Variants in KCNMA1 observed in about 807,000 individuals in gnomAD.
The protein encoded by KCNMA1 is potassium calcium-activated channel subfamily M alpha 1, also known as Calcium-activated potassium channel subunit alpha-1.
KCNMA1 carries 29 observed loss-of-function variants against 140.0 expected under a neutral mutation model. The ratio of observed to expected loss-of-function variants is 0.21; its 90% CI spans 0.15 to 0.28. KCNMA1 has a LOEUF of 0.28. Among genes scored for constraint, KCNMA1 ranks in the 10% least tolerant of loss-of-function variants. The pLI, the probability that KCNMA1 is intolerant of heterozygous loss-of-function variation, is 1.00. For missense variants in KCNMA1, 880 were observed against 1,602.2 expected (o/e 0.55, Z 7.70); for synonymous variants, 612 against 611.9 (o/e 1.00, Z 0.00).
rs116546993 is a variant in KCNMA1 at position 77,073,086 on chromosome 10, C to T, written c.1749+11G>A. On this transcript the variant is annotated intron_variant, in intron 14 of 27. Transcript: ENST00000286628. ...CCCGAGCTAATGTGCTCTAATAAGA[C>T]GAGACGTTACCTTTATGAATGACCT... The T allele has an allele frequency of 1.3e-3, 2,119 of 1,613,524 alleles. 18 individuals carry two copies. The African/African-American group carries it at 0.023, about 17-fold the overall frequency.
intron 5 of KCNMA1, among the ~76,000 whole-genome samples, chr10:77,129,922 T>C (rs2097822476): frequency 6.6e-6 from 1 of 152,100 alleles, no homozygotes. Flanking sequence ...AGGATAACAA[T>C]TGAGATATAC....
At chr10:77,085,482 A>G (rs3781168) in intron 11 of KCNMA1, among the ~76,000 whole-genome samples, 9,056 of 152,268 alleles carry the variant, frequency 0.059, 378 homozygotes, top group Non-Finnish European at 0.091. Context: ...AAGATTTTAC[A>G]TAAGCAATAA....
chr10:76,971,854 A>G (rs1439408695), intron 19 of KCNMA1, among the ~76,000 whole-genome samples: 1 of 152,234 alleles, frequency 6.6e-6, no homozygotes, highest in Non-Finnish European at 1.5e-5. Flanking sequence ...TAGAGTTGAT[A>G]TGCATCTCTC....
chr10:76,914,954 G>A lies in KCNMA1; in HGVS notation c.2998C>T (p.Pro1000Ser). The A allele has an allele frequency of 6.2e-7, 1 of 1,612,386 alleles. No homozygotes were observed. The highest frequency in any genetic ancestry group is 8.5e-7 in the Non-Finnish European group (1 of 1,178,584). ...CCCCTACCTAGTTCAGTGATGATGG[G>A]GATGTTGACCCCAGTTGTGATGGAT... Reference protein sequence around the residue: ...QPSITTGVNIPIITELVNDTN... With the variant: ...QPSITTGVNISIITELVNDTN... Residue 1000 changes from proline to serine, a missense_variant, in exon 24 of 28, where the codon CCC becomes TCC. Physicochemically the swap from Pro to Ser is moderately conservative, Grantham distance 74. Around this residue, in one of 13 missense-constraint regions of KCNMA1, gnomAD observed 44 missense variants for 58.2 expected, o/e 0.76. Coordinates refer to ENST00000286628, the MANE Select transcript of KCNMA1 (RefSeq NM_001161352.2).
chr10:77,484,532 C>T (rs923252149), intron 1 of KCNMA1, among the ~76,000 whole-genome samples: 1 of 152,218 alleles, frequency 6.6e-6, no homozygotes, highest in African/African-American at 2.4e-5. Context: ...GAGGTGTTAT[C>T]ACTCTCATTT....
At chr10:77,102,925 T>A (rs1327924248) in intron 9 of KCNMA1, among the ~76,000 whole-genome samples, 1 of 152,174 alleles carries the variant, frequency 6.6e-6, no homozygotes, top group African/African-American at 2.4e-5. Context: ...CGAGGGTAGT[T>A]TGTTCGCCAA....
At position 77,259,441 on chromosome 10, in the gene KCNMA1, G is replaced by A. The variant is rs536818537; in HGVS notation, c.541-8185C>T. Reference sequence around the variant, plus strand: ...AATTCTTAGGACACACATGTAAATCGGAGAGAATCCCTCCTTAAATCACCT... The same window carrying A: ...AATTCTTAGGACACACATGTAAATCAGAGAGAATCCCTCCTTAAATCACCT... On this transcript the variant is annotated intron_variant, in intron 2 of 27. Coordinates refer to ENST00000286628, the MANE Select transcript of KCNMA1 (RefSeq NM_001161352.2). 2.6e-4 allele frequency among the ~76,000 whole-genome samples: 40 copies of A among 152,094 alleles called. 1 individual carries two copies. The highest frequency in any genetic ancestry group is 1.6e-3 in the Admixed American group (25 of 15,266).
intron 1 of KCNMA1, among the ~76,000 whole-genome samples, chr10:77,410,602 A>G (rs1286812834): frequency 1.3e-5 from 2 of 152,240 alleles, no homozygotes; most frequent in South Asian, 2.1e-4. Context: ...TGTTGTACCC[A>G]ACACCCTCCT....
intron 2 of KCNMA1, among the ~76,000 whole-genome samples, chr10:77,327,518 T>G (rs952553503): frequency 1.3e-5 from 2 of 152,056 alleles, no homozygotes; most frequent in Non-Finnish European, 2.9e-5. Context: ...CACATCCTGC[T>G]AATGTTTTAT....
At chr10:77,436,226 C>A (rs998981961) in intron 1 of KCNMA1, among the ~76,000 whole-genome samples, 4 of 152,232 alleles carry the variant, frequency 2.6e-5, no homozygotes, top group Admixed American at 2.6e-4. Flanking sequence ...CCAGGCCCTG[C>A]TCTCAAGCAA....
chr10:77,374,714 C>A (rs2094958558), intron 2 of KCNMA1, among the ~76,000 whole-genome samples: 1 of 152,164 alleles, frequency 6.6e-6, no homozygotes, highest in South Asian at 2.1e-4. Flanking sequence ...CCTTCTCTTG[C>A]AGTTTCTTTA....
rs548047097 is a variant in KCNMA1 at position 77,427,909 on chromosome 10, C to T, written c.379-23886G>A. On this transcript the variant is annotated intron_variant, in intron 1 of 27. Coordinates refer to ENST00000286628, the MANE Select transcript of KCNMA1 (RefSeq NM_001161352.2). ...CTGGGACTACAGGTGCATGCCACCACGCCTGGCTAATTTTTGTATTTTTAG... is the reference window on the plus strand; with the variant it reads ...CTGGGACTACAGGTGCATGCCACCATGCCTGGCTAATTTTTGTATTTTTAG... 1.7e-3 allele frequency among the ~76,000 whole-genome samples: 255 copies of T among 152,016 alleles called. No homozygotes were observed. In the Middle Eastern group the frequency reaches 0.02, roughly 12 times the overall value.
At chr10:77,225,031 G>T (rs920648721) in intron 3 of KCNMA1, among the ~76,000 whole-genome samples, 1 of 152,164 alleles carries the variant, frequency 6.6e-6, no homozygotes, top group Admixed American at 6.5e-5. Flanking sequence ...ACAGAGCATG[G>T]TGCAGAAAAG....
chr10:77,470,822 T>C (rs2098132564), intron 1 of KCNMA1, among the ~76,000 whole-genome samples: 1 of 152,170 alleles, frequency 6.6e-6, no homozygotes, highest in Non-Finnish European at 1.5e-5. Flanking sequence ...TTCTAGGCAT[T>C]TGTTTTGTCC....
chr10:77,290,037 A>G (rs1435511540), intron 2 of KCNMA1, among the ~76,000 whole-genome samples: 1 of 152,222 alleles, frequency 6.6e-6, no homozygotes, highest in African/African-American at 2.4e-5. Context: ...TAGAGATGGA[A>G]GGAGGCGGTT....
intron 18 of KCNMA1, among the ~76,000 whole-genome samples, chr10:77,010,663 A>G (rs1389032275): frequency 2.6e-5 from 4 of 152,012 alleles, no homozygotes; most frequent in Admixed American, 2.0e-4. Flanking sequence ...AATTTTCCCC[A>G]TGGGTTGAGG....
chr10:77,055,354 T>C (rs904384387), intron 14 of KCNMA1, among the ~76,000 whole-genome samples: 6 of 152,132 alleles, frequency 3.9e-5, no homozygotes, highest in African/African-American at 1.4e-4. Context: ...GAAGGGATCA[T>C]CAAGATGTGG....
At chr10:77,021,899 A>C (rs1472709689) in intron 16 of KCNMA1, among the ~76,000 whole-genome samples, 1 of 152,246 alleles carries the variant, frequency 6.6e-6, no homozygotes, top group East Asian at 1.9e-4. Flanking sequence ...CTTGGCGCTG[A>C]AGCACCAGAA....
intron 1 of KCNMA1, among the ~76,000 whole-genome samples, chr10:77,546,610 G>A (rs531208642): frequency 9.2e-5 from 14 of 152,290 alleles, no homozygotes; most frequent in South Asian, 8.3e-4. Flanking sequence ...TCCCTTCCCC[G>A]GTGCTGCATG....
Sources: gnomAD v4.1 joint callset for allele counts (sites outside exome capture counted in the v4.1 genomes callset) on GRCh38, gnomAD v4.1.1 for gene constraint, gnomAD v4.1.1 regional missense constraint, MANE v1.5 for transcripts, NCBI Gene and HGNC (gene_info 2026-07-23, HGNC 2026-07-21) for gene names.